GLIS1: variants seen among roughly 807,000 people sequenced by gnomAD.
The protein encoded by GLIS1 is GLIS family zinc finger 1, also known as zinc finger protein GLIS1.
In GLIS1, 24 loss-of-function variants were observed where a neutral mutation model predicts 63.8. That is an observed-to-expected ratio of 0.38 (90% CI 0.27 to 0.53). The LOEUF (loss-of-function observed/expected upper bound fraction) is 0.53, where lower values mean the gene tolerates loss of function less well. Among genes scored for constraint, GLIS1 ranks in the 20% least tolerant of loss-of-function variants. GLIS1 has a pLI of 0.85. For missense variants in GLIS1, 1,036 were observed against 1,074.1 expected (o/e 0.96, Z 0.50); for synonymous variants, 450 against 482.5 (o/e 0.93, Z 0.88).
chr1:53,665,978 A>T (rs1557511132), intron 2 of GLIS1, among the ~76,000 whole-genome samples: 1 of 152,210 alleles, frequency 6.6e-6, no homozygotes, highest in Non-Finnish European at 1.5e-5. Context: ...GTATTAACTC[A>T]TTTAATCCTC....
chr1:53,687,154 C>A lies in GLIS1; in HGVS notation c.259+50652G>T, dbSNP rs186561521. On this transcript the variant is annotated intron_variant, in intron 2 of 10. Coordinates refer to ENST00000628545, the MANE Select transcript of GLIS1 (RefSeq NM_001367484.1). ...AAAGGTTTTCCCAGGATGAGGCAAA[C>A]GAGAGAATCACTGTGGGAGCAGAAC... Among the ~76,000 whole-genome samples the A allele has an allele frequency of 2.8e-3, 433 of 152,282 alleles. 4 individuals are homozygous for A. The highest frequency in any genetic ancestry group is 8.8e-3 in the African/African-American group (367 of 41,544).
At chr1:53,722,677 CA>C (rs1443605007) in intron 2 of GLIS1, among the ~76,000 whole-genome samples, 2 of 151,584 alleles carry the variant, frequency 1.3e-5, no homozygotes, top group Non-Finnish European at 2.9e-5. Context: ...CCTGTCTCTA[CA>C]AAAAAATTAG....
At chr1:53,648,176 A>C (rs1422182737) in intron 2 of GLIS1, among the ~76,000 whole-genome samples, 1 of 152,176 alleles carries the variant, frequency 6.6e-6, no homozygotes, top group African/African-American at 2.4e-5. Flanking sequence ...CCTGTCTCAA[A>C]AAAAAATAAA....
At chr1:53,666,950 A>C (rs1646100156) in intron 2 of GLIS1, among the ~76,000 whole-genome samples, 1 of 152,170 alleles carries the variant, frequency 6.6e-6, no homozygotes, top group Non-Finnish European at 1.5e-5. Flanking sequence ...TTGTCTTCAG[A>C]ACATCATCTC....
In GLIS1 at chr1:53,681,183, C is replaced by T. The variant is rs114885036; in HGVS notation, c.259+56623G>A. 2.1e-3 allele frequency among the ~76,000 whole-genome samples: 325 copies of T among 152,392 alleles called. 2 individuals are homozygous for T. Among genetic ancestry groups the T allele is most frequent in the African/African-American group, 7.6e-3 (316 of 41,594 alleles). Reference sequence around the variant, plus strand: ...GCTCCGTGATCCACACTGGCAGCTTCTTTTCTGAGTTCGTGGCTGCGTGAA... The same window carrying T: ...GCTCCGTGATCCACACTGGCAGCTTTTTTTCTGAGTTCGTGGCTGCGTGAA... On this transcript the variant is annotated intron_variant, in intron 2 of 10. Transcript: ENST00000628545.
At chr1:53,563,466 A>T (rs1388924676) in intron 4 of GLIS1, among the ~76,000 whole-genome samples, 1 of 152,226 alleles carries the variant, frequency 6.6e-6, no homozygotes, top group African/African-American at 2.4e-5. Context: ...TTGTTTAAAC[A>T]TTTTTAATTT....
intron 2 of GLIS1, among the ~76,000 whole-genome samples, chr1:53,682,077 C>T (rs1204383225): frequency 6.6e-6 from 1 of 152,242 alleles, no homozygotes; most frequent in Non-Finnish European, 1.5e-5. Flanking sequence ...GTGCTGCATG[C>T]AATAAACTCT....
At chr1:53,708,280 A>G (rs2950246) in intron 2 of GLIS1, among the ~76,000 whole-genome samples, 140,467 of 151,758 alleles carry the variant, frequency 0.93, 65,169 homozygotes, top group East Asian at 0.96. Context: ...GGGAGACTTC[A>G]TCTCAAAAAA....
At chr1:53,711,311 G>A (rs1302535201) in intron 2 of GLIS1, among the ~76,000 whole-genome samples, 1 of 152,128 alleles carries the variant, frequency 6.6e-6, no homozygotes, top group African/African-American at 2.4e-5. Context: ...GCCCTGCATG[G>A]AAGCCTCTAT....
intron 4 of GLIS1, among the ~76,000 whole-genome samples, chr1:53,565,121 T>G (rs1305415982): frequency 6.6e-6 from 1 of 152,000 alleles, no homozygotes; most frequent in Non-Finnish European, 1.5e-5. Flanking sequence ...TTTGGAAAAT[T>G]AAAGGCCCAC....
intron 2 of GLIS1, among the ~76,000 whole-genome samples, chr1:53,730,517 G>A (rs1646849480): frequency 6.6e-6 from 1 of 152,118 alleles, no homozygotes; most frequent in South Asian, 2.1e-4. Flanking sequence ...TCTTGCTAAA[G>A]CCTGATTTCT....
At chr1:53,687,920 T>C (rs906128497) in intron 2 of GLIS1, among the ~76,000 whole-genome samples, 1 of 152,082 alleles carries the variant, frequency 6.6e-6, no homozygotes, top group African/African-American at 2.4e-5. Context: ...CACCACATCA[T>C]AGATGAGGAA....
At chr1:53,569,530 T>C (rs1240092841) in intron 4 of GLIS1, among the ~76,000 whole-genome samples, 1 of 151,880 alleles carries the variant, frequency 6.6e-6, no homozygotes, top group Non-Finnish European at 1.5e-5. Context: ...AAAAATCCTA[T>C]AGGAGATATT....
intron 2 of GLIS1, among the ~76,000 whole-genome samples, chr1:53,679,935 A>C (rs1646256889): frequency 6.6e-6 from 1 of 152,128 alleles, no homozygotes. Context: ...TGGAAAGGCC[A>C]CCCCATGTTC....
intron 2 of GLIS1, among the ~76,000 whole-genome samples, chr1:53,704,082 A>T (rs1646551670): frequency 6.6e-6 from 1 of 152,272 alleles, no homozygotes. Context: ...AGTGTTGCCT[A>T]CTAAACAAAC....
intron 4 of GLIS1, among the ~76,000 whole-genome samples, chr1:53,554,912 C>T (rs867094424): frequency 5.9e-5 from 9 of 152,194 alleles, no homozygotes; most frequent in Non-Finnish European, 8.8e-5. Flanking sequence ...TGGAGCCATT[C>T]TCTGGGGCAC....
intron 2 of GLIS1, among the ~76,000 whole-genome samples, chr1:53,638,150 G>T (rs1292965119): frequency 6.6e-6 from 1 of 152,236 alleles, no homozygotes; most frequent in Non-Finnish European, 1.5e-5. Context: ...GCCACACGGT[G>T]TAAGGGTCAG....
Position 53,660,833 on chromosome 1 carries a change from G to C in GLIS1, c.260-60555C>G, listed in dbSNP as rs553307681. Reference sequence around the variant, plus strand: ...GCAGGGAGGAGAGACTACAAAGAGAGCAGGGAGTCACTGCAAATCGAAGTG... The same window carrying C: ...GCAGGGAGGAGAGACTACAAAGAGACCAGGGAGTCACTGCAAATCGAAGTG... On this transcript the variant is annotated intron_variant, in intron 2 of 10. Coordinates refer to ENST00000628545, the MANE Select transcript of GLIS1 (RefSeq NM_001367484.1). Among the ~76,000 whole-genome samples the C allele has an allele frequency of 2.0e-5, 3 of 152,344 alleles. No individual in the cohort carries two copies. In the East Asian group the frequency reaches 5.8e-4, roughly 29 times the overall value.
chr1:53,691,666 C>T (rs191117688), intron 2 of GLIS1, among the ~76,000 whole-genome samples: 1 of 152,190 alleles, frequency 6.6e-6, no homozygotes, highest in African/African-American at 2.4e-5. Flanking sequence ...GCCACTCAGC[C>T]AGCATCAAAT....
Sources: allele counts gnomAD v4.1 joint callset (sites outside exome capture counted in the v4.1 genomes callset), GRCh38; gene constraint gnomAD v4.1.1; transcripts MANE v1.5; gene names NCBI Gene and HGNC (gene_info 2026-07-23, HGNC 2026-07-21).